Variants in VPS13B observed in about 807,000 individuals in gnomAD.
VPS13B encodes the protein vacuolar protein sorting 13 homolog B.
In VPS13B, 285 loss-of-function variants were observed where a neutral mutation model predicts 426.4. The ratio of observed to expected loss-of-function variants is 0.67; its 90% confidence interval spans 0.61 to 0.74. The LOEUF (loss-of-function observed/expected upper bound fraction) is 0.74. Among genes scored for constraint, VPS13B ranks in the 30% least tolerant of loss-of-function variants. The probability of loss-of-function intolerance (pLI) is 0.00; values close to 1 mark genes in which losing one functional copy is unlikely to be tolerated. For missense variants in VPS13B, 4,537 were observed against 4,782.6 expected (o/e 0.95, Z 1.51); for synonymous variants, 1,676 against 1,676.4 (o/e 1.00, Z 0.01).
chr8:99,168,488 C>T (rs1024263260), intron 15 of VPS13B, among the ~76,000 whole-genome samples: 5 of 151,970 alleles, frequency 3.3e-5, no homozygotes, highest in Non-Finnish European at 4.4e-5. Flanking sequence ...TTATTCATAA[C>T]TCGAAATATT....
intron 34 of VPS13B, among the ~76,000 whole-genome samples, chr8:99,658,960 G>T (rs1277514262): frequency 6.6e-6 from 1 of 152,060 alleles, no homozygotes; most frequent in African/African-American, 2.4e-5. Context: ...CTACTATGGG[G>T]ACTACAGGCA....
intron 3 of VPS13B, among the ~76,000 whole-genome samples, chr8:99,082,132 T>C (rs1845511071): frequency 6.6e-6 from 1 of 152,354 alleles, no homozygotes; most frequent in East Asian, 1.9e-4. Context: ...TGTTGTTTCC[T>C]GACTTTTTAA....
At chr8:99,300,020 A>C (rs1588223072) in intron 19 of VPS13B, among the ~76,000 whole-genome samples, 1 of 152,164 alleles carries the variant, frequency 6.6e-6, no homozygotes, top group African/African-American at 2.4e-5. Context: ...TCTAATGGGA[A>C]CATGTGCCAA....
chr8:99,025,409 A>G (rs1842084410), intron 2 of VPS13B, among the ~76,000 whole-genome samples: 1 of 152,180 alleles, frequency 6.6e-6, no homozygotes. Context: ...CATTCCTGGG[A>G]TAAATCCCAT....
intron 21 of VPS13B, among the ~76,000 whole-genome samples, chr8:99,409,881 AT>A (rs1815535784): frequency 6.6e-6 from 1 of 152,192 alleles, no homozygotes; most frequent in African/African-American, 2.4e-5. Flanking sequence ...CCAATTATGT[AT>A]CCTTTGTGTT....
chr8:99,787,148 T>C (rs1247412161), intron 43 of VPS13B, among the ~76,000 whole-genome samples: 2 of 152,138 alleles, frequency 1.3e-5, no homozygotes, highest in African/African-American at 4.8e-5. Flanking sequence ...GGAACTTAAC[T>C]CCACTAAACA....
chr8:99,076,942 T>G (rs1427023005), intron 3 of VPS13B, among the ~76,000 whole-genome samples: 1 of 152,156 alleles, frequency 6.6e-6, no homozygotes, highest in African/African-American at 2.4e-5. Flanking sequence ...TCCTTTTTCA[T>G]TGTTTATTTT....
chr8:99,140,709 C>T (rs1810371900), intron 12 of VPS13B, among the ~76,000 whole-genome samples: 1 of 141,278 alleles, frequency 7.1e-6, no homozygotes, highest in Non-Finnish European at 1.5e-5. Flanking sequence ...TCCTCCTTCT[C>T]CTTCTTTGTG....
intron 39 of VPS13B, among the ~76,000 whole-genome samples, chr8:99,734,609 T>G (rs919388513): frequency 1.3e-5 from 2 of 152,146 alleles, no homozygotes; most frequent in Admixed American, 6.5e-5. Context: ...ATTCCATAAA[T>G]AAGCACTTTA....
chr8:99,266,813 T>C (rs556988545), intron 17 of VPS13B, among the ~76,000 whole-genome samples: 4 of 152,208 alleles, frequency 2.6e-5, no homozygotes, highest in Non-Finnish European at 4.4e-5. Context: ...AGGATTAGTT[T>C]GTTTCCCCTT....
intron 19 of VPS13B, among the ~76,000 whole-genome samples, chr8:99,327,045 C>T (rs761867276): frequency 1.3e-5 from 2 of 152,134 alleles, no homozygotes; most frequent in Admixed American, 6.6e-5. Context: ...TACAAAGATT[C>T]GTTTATGAGT....
intron 34 of VPS13B, among the ~76,000 whole-genome samples, chr8:99,657,956 A>G (rs977185028): frequency 3.3e-5 from 5 of 152,200 alleles, no homozygotes; most frequent in African/African-American, 4.8e-5. Context: ...CCAATATAAG[A>G]TATTATCAAT....
chr8:99,292,798 A>G (rs1205675276), intron 19 of VPS13B, among the ~76,000 whole-genome samples: 3 of 152,100 alleles, frequency 2.0e-5, no homozygotes, highest in Non-Finnish European at 4.4e-5. Flanking sequence ...TGTTATATCT[A>G]TTTTTGTGCA....
chr8:99,776,839 G>A lies in VPS13B; in HGVS notation c.7312G>A (p.Ala2438Thr). The change falls in exon 41 of 62, where the codon GCC becomes ACC. Residue 2438 changes from alanine to threonine, a missense_variant. This residue lies in a region of VPS13B where 4,311 missense variants were observed against 4,474.3 expected (regional missense o/e 0.96). Coordinates refer to ENST00000357162, the MANE Select transcript of VPS13B (RefSeq NM_152564.5). ...ACTTGTGACTCCAACAGCCCTGGCT[G>A]CCTGTACCAGAGTTGACTCCTGCTT... is the stretch of plus-strand genomic sequence containing the variant. ...DPLVTPTALA[A>T]CTRVDSCFTP... The A allele has an allele frequency of 1.2e-6, 2 of 1,614,080 alleles. No homozygotes were observed. Among genetic ancestry groups the A allele is most frequent in the Non-Finnish European group, 1.7e-6 (2 of 1,179,970 alleles).
intron 51 of VPS13B, among the ~76,000 whole-genome samples, chr8:99,824,264 C>T (rs762862498): frequency 6.6e-6 from 1 of 152,160 alleles, no homozygotes; most frequent in Non-Finnish European, 1.5e-5. Flanking sequence ...AGCATGCTCA[C>T]TAGACTCCTA....
chr8:99,818,969 CGGGGGAGGGGTGGG>C, intron 47 of VPS13B, 81 bp downstream of exon 47: 2 of 78,702 alleles, frequency 2.5e-5, no homozygotes, highest in Non-Finnish European at 2.5e-5. Flanking sequence ...TGGGGGGCGG[CGGGGGAGGGGTGGG>C]TAGGGAGATG....
intron 36 of VPS13B, among the ~76,000 whole-genome samples, chr8:99,708,854 T>G (rs1367361181): frequency 6.6e-6 from 1 of 150,704 alleles, no homozygotes; most frequent in Non-Finnish European, 1.5e-5. Context: ...TCTCTCTATA[T>G]ATATATATAG....
At chr8:99,674,996 G>A (rs1422286477) in intron 35 of VPS13B, among the ~76,000 whole-genome samples, 4 of 151,628 alleles carry the variant, frequency 2.6e-5, no homozygotes, top group Non-Finnish European at 5.9e-5. Context: ...TACAATATTA[G>A]AATAGTCTGC....
At chr8:99,073,391 T>G (rs1844937672) in intron 3 of VPS13B, among the ~76,000 whole-genome samples, 1 of 152,198 alleles carries the variant, frequency 6.6e-6, no homozygotes, top group South Asian at 2.1e-4. Context: ...TTGTATCCTT[T>G]TCTGTTTCTT....
Sources: gnomAD v4.1 joint callset for allele counts (sites outside exome capture counted in the v4.1 genomes callset) on GRCh38, gnomAD v4.1.1 for gene constraint, gnomAD v4.1.1 regional missense constraint, MANE v1.5 for transcripts, NCBI Gene and HGNC (gene_info 2026-07-23, HGNC 2026-07-21) for gene names.